The following PSMG2 variants were observed in gnomAD, a reference collection of about 807,000 sequenced individuals.
PSMG2 encodes the protein proteasome assembly chaperone 2.
In PSMG2, 21 loss-of-function variants were observed where a neutral mutation model predicts 31.5. That is an observed-to-expected ratio of 0.67 (90% CI 0.47 to 0.96). The LOEUF (loss-of-function observed/expected upper bound fraction) is 0.96. Among genes scored for constraint, PSMG2 ranks in the 40% least tolerant of loss-of-function variants. The pLI, the probability that PSMG2 is intolerant of heterozygous loss-of-function variation, is 0.00. For missense variants in PSMG2, 318 were observed against 321.2 expected (o/e 0.99, Z 0.08); for synonymous variants, 120 against 110.4 (o/e 1.09, Z -0.54).
At chr18:12,698,954 A>G (rs1179298837), upstream of PSMG2, 4 of 1,463,916 alleles carry the variant, frequency 2.7e-6, no homozygotes, top group Non-Finnish European at 3.8e-6. Context: ...ACTCAATTAA[A>G]TGACAATTTA....
intron 6 of PSMG2, chr18:12,724,976 A>T: frequency 6.3e-6 from 2 of 317,142 alleles, no homozygotes; most frequent in Non-Finnish European, 1.1e-5. Context: ...TGTGAGCAAT[A>T]CTGTAGCTAT....
intron 6 of PSMG2, 140 bp downstream of exon 6, chr18:12,724,759 C>A: frequency 9.9e-7 from 1 of 1,012,638 alleles, no homozygotes; most frequent in Non-Finnish European, 1.3e-6. Context: ...TTAGTTTAAG[C>A]TGAACTTTTG....
In PSMG2 at chr18:12,688,633, G is replaced by A. The variant is rs549892838; in HGVS notation, c.-36-17917G>A. 5.3e-5 allele frequency among the ~76,000 whole-genome samples: 8 copies of A among 152,248 alleles called. No homozygotes were observed. In the South Asian group the frequency reaches 1.7e-3, roughly 32 times the overall value. On this transcript the variant is annotated intron_variant, in intron 1 of 6. Coordinates refer to the PSMG2 transcript ENST00000585331. ...ACAAGCTACTTAACTGTTTTGAAAAGTTAATATTTCAACCTCTGAATGGGC... is the reference window on the plus strand; with the variant it reads ...ACAAGCTACTTAACTGTTTTGAAAAATTAATATTTCAACCTCTGAATGGGC...
chr18:12,693,536 C>T (rs1228065339), intron 1 of PSMG2, among the ~76,000 whole-genome samples: 5 of 152,042 alleles, frequency 3.3e-5, no homozygotes, highest in Non-Finnish European at 7.4e-5. Context: ...CTCATGTATA[C>T]CACTTTGGGA....
chr18:12,725,468 G>A lies in PSMG2; in HGVS notation c.732G>A (p.Arg244=), dbSNP rs368811426. ...LSDDPTVSAS[R]WKIPSSWRLL... ...ATGACCCCACAGTATCTGCCTCACGGTGGAAAATACCAAGTTCTTGGAGAT... is the reference window on the plus strand; with the variant it reads ...ATGACCCCACAGTATCTGCCTCACGATGGAAAATACCAAGTTCTTGGAGAT... Residue 244 remains arginine, a synonymous_variant, in exon 7 of 7, where the codon CGG becomes CGA. Transcript: ENST00000317615. 2 of 1,603,966 alleles carry A rather than the reference G, an allele frequency of 1.2e-6. No homozygotes were observed. Among genetic ancestry groups the A allele is most frequent in the African/African-American group, 1.3e-5 (1 of 74,616 alleles).
At chr18:12,698,819 G>A (rs1261151086), upstream of PSMG2, 3 of 599,762 alleles carry the variant, frequency 5.0e-6, no homozygotes, top group African/African-American at 3.7e-5. Flanking sequence ...AATATTGCAA[G>A]AAGGTGGATA....
chr18:12,723,454 A>G (rs1393580856), intron 5 of PSMG2, among the ~76,000 whole-genome samples: 1 of 151,972 alleles, frequency 6.6e-6, no homozygotes, highest in Non-Finnish European at 1.5e-5. Context: ...ACTATGTATT[A>G]AATCTTTTTT....
chr18:12,711,941 G>A (rs2040336646), intron 2 of PSMG2, among the ~76,000 whole-genome samples: 1 of 151,886 alleles, frequency 6.6e-6, no homozygotes, highest in Admixed American at 6.6e-5. Flanking sequence ...TTTTAGTAGA[G>A]ACGGGGTTTC....
At chr18:12,663,120 T>TA (rs2038731970) in intron 1 of PSMG2, among the ~76,000 whole-genome samples, 1 of 152,220 alleles carries the variant, frequency 6.6e-6, no homozygotes, top group South Asian at 2.1e-4. Context: ...AAATTACTGC[T>TA]AGTTGGCCTG....
intron 1 of PSMG2, among the ~76,000 whole-genome samples, chr18:12,668,133 T>TGC (rs2038843017): frequency 6.6e-6 from 1 of 151,512 alleles, no homozygotes; most frequent in African/African-American, 2.4e-5. Context: ...GACATGTTGG[T>TGC]GCAGGCCTGT....
At chr18:12,695,090 C>A (rs189617735) in intron 1 of PSMG2, among the ~76,000 whole-genome samples, 156 of 152,256 alleles carry the variant, frequency 1.0e-3, no homozygotes, top group African/African-American at 3.6e-3. Context: ...GGAAAACAAT[C>A]TTGTCTTTAT....
intron 2 of PSMG2, among the ~76,000 whole-genome samples, chr18:12,709,099 G>A (rs901054783): frequency 3.3e-5 from 5 of 151,764 alleles, no homozygotes; most frequent in African/African-American, 1.2e-4. Flanking sequence ...AGGCTGGAGT[G>A]CAGTGGCACG....
Position 12,725,520 on chromosome 18 carries a change from G to T in PSMG2, c.784G>T (p.Ala262Ser). 6.3e-7 allele frequency: 1 copy of T among 1,589,224 alleles called. No homozygotes were observed. The highest frequency in any genetic ancestry group is 8.6e-7 in the Non-Finnish European group (1 of 1,158,488). ...ACTCTTTGGCAGTGGTCTTCCCCCTGCACTTTTCTGATCTAATTTCTGTTT... is the reference window on the plus strand; with the variant it reads ...ACTCTTTGGCAGTGGTCTTCCCCCTTCACTTTTCTGATCTAATTTCTGTTT... ...RLLFGSGLPP[A>S]LF is the part of the protein sequence containing the mutation. Residue 262 changes from alanine (A) to serine (S), a missense_variant, in exon 7 of 7, where the codon GCA becomes TCA. Ala to Ser is a moderately conservative substitution (Grantham distance 99, BLOSUM62 1). Coordinates refer to ENST00000317615, the MANE Select transcript of PSMG2 (RefSeq NM_020232.5).
At chr18:12,711,440 G>A (rs1424033946) in intron 2 of PSMG2, among the ~76,000 whole-genome samples, 1 of 152,138 alleles carries the variant, frequency 6.6e-6, no homozygotes, top group East Asian at 1.9e-4. Flanking sequence ...TAGGTTAGAG[G>A]CTGAGTAATC....
At chr18:12,677,428 G>A (rs1234847813) in intron 1 of PSMG2, among the ~76,000 whole-genome samples, 1 of 127,686 alleles carries the variant, frequency 7.8e-6, no homozygotes, top group Non-Finnish European at 1.6e-5. Context: ...CTGCGCTCCA[G>A]CCTGGGTGAC....
Position 12,725,540 on chromosome 18 carries a change from C to T in PSMG2, c.*9C>T, listed in dbSNP as rs374794817. On this transcript the variant is annotated 3_prime_UTR_variant, in exon 7 of 7. Coordinates refer to ENST00000317615, the MANE Select transcript of PSMG2 (RefSeq NM_020232.5). ...CCCCTGCACTTTTCTGATCTAATTT[C>T]TGTTTTATACCTTATACCCAAAACA... 2 of 1,556,706 alleles carry T rather than the reference C, an allele frequency of 1.3e-6. No homozygotes were observed. Among genetic ancestry groups the T allele is most frequent in the East Asian group, 4.5e-5 (2 of 44,388 alleles).
chr18:12,679,421 A>G (rs906291636), intron 1 of PSMG2: 11 of 152,090 alleles, frequency 7.2e-5, no homozygotes, highest in African/African-American at 1.2e-4. Flanking sequence ...CAGGAAGCAC[A>G]CTAGCAGGCA....
upstream of PSMG2, chr18:12,699,799 C>A: frequency 8.0e-7 from 1 of 1,244,342 alleles, no homozygotes; most frequent in Non-Finnish European, 1.1e-6. Context: ...TACTATTAAC[C>A]ACAACTAAAT....
intron 1 of PSMG2, among the ~76,000 whole-genome samples, chr18:12,677,458 CAAAAAAAAAAAAA>C (rs71174127): frequency 3.9e-4 from 21 of 53,950 alleles, no homozygotes; most frequent in Middle Eastern, 0.017. Context: ...GATTCCATCT[CAAAAAAAAAAAAA>C]AAAAAAAAAA....
Sources: gnomAD v4.1 joint callset for allele counts (sites outside exome capture counted in the v4.1 genomes callset) on GRCh38, gnomAD v4.1.1 for gene constraint, MANE v1.5 for transcripts, NCBI Gene and HGNC (gene_info 2026-07-23, HGNC 2026-07-21) for gene names.